DSCAML1: variants seen among roughly 807,000 people sequenced by gnomAD.
DSCAML1 encodes cell adhesion molecule DSCAML1.
In DSCAML1, 38 loss-of-function variants were observed where a neutral mutation model predicts 200.5. The observed-to-expected ratio is 0.19, with a 90% CI of 0.15 to 0.25. The LOEUF is 0.25. Ranked by LOEUF, DSCAML1 falls within the 10% of genes least tolerant of loss-of-function variation. DSCAML1 has a pLI of 1.00. For synonymous variants in DSCAML1, 1,215 were observed against 1,165.0 expected, an observed-to-expected ratio of 1.04 and a Z score of -0.87; for missense variants, 2,223 against 2,858.8, an observed-to-expected ratio of 0.78 and a Z score of 5.07.
At chr11:117,487,632 G>A (rs1386579116) in intron 11 of DSCAML1, among the ~76,000 whole-genome samples, 2 of 152,200 alleles carry the variant, frequency 1.3e-5, no homozygotes, top group Non-Finnish European at 2.9e-5. Flanking sequence ...CAGGTTATCT[G>A]TTCCTAACAT....
chr11:117,443,001 G>A (rs1460734305), intron 21 of DSCAML1, among the ~76,000 whole-genome samples: 1 of 152,206 alleles, frequency 6.6e-6, no homozygotes, highest in South Asian at 2.1e-4. Context: ...CTGAGCCCGC[G>A]GCAGGGTAGG....
At chr11:117,678,543 G>A (rs2053257892) in intron 3 of DSCAML1, among the ~76,000 whole-genome samples, 1 of 152,232 alleles carries the variant, frequency 6.6e-6, no homozygotes, top group Non-Finnish European at 1.5e-5. Flanking sequence ...GCGTTGAGCA[G>A]GGAAGGTTGG....
chr11:117,538,779 G>C (rs2050211777), intron 3 of DSCAML1, among the ~76,000 whole-genome samples: 2 of 151,524 alleles, frequency 1.3e-5, no homozygotes, highest in Non-Finnish European at 2.9e-5. Flanking sequence ...GGGGTGAGGG[G>C]GAGTGTGGTG....
At position 117,628,327 on chromosome 11, in the gene DSCAML1, G is replaced by C. The variant is rs1368335715; in HGVS notation, c.512-95805C>G. On this transcript the variant is annotated intron_variant, in intron 3 of 32. Coordinates refer to ENST00000651296, the MANE Select transcript of DSCAML1 (RefSeq NM_020693.4). ...CTGTTCAGGAAGCGCTTCCCAGGGT[G>C]GGGAGCGGCTGATCCTCATGACCTC... is the stretch of plus-strand genomic sequence containing the variant. Among the ~76,000 whole-genome samples the C allele has an allele frequency of 7.9e-5, 12 of 152,284 alleles. No homozygotes were observed. In the East Asian group the frequency reaches 1.7e-3, roughly 22 times the overall value.
chr11:117,445,865 T>A (rs1203780654), intron 20 of DSCAML1, among the ~76,000 whole-genome samples: 1 of 152,136 alleles, frequency 6.6e-6, no homozygotes. Context: ...GTGAGTCTCC[T>A]GAAATCATGT....
intron 3 of DSCAML1, among the ~76,000 whole-genome samples, chr11:117,751,667 C>T (rs2137868983): frequency 6.6e-6 from 1 of 152,248 alleles, no homozygotes; most frequent in Admixed American, 6.5e-5. Context: ...GCCAGCAACA[C>T]ATCCTGAAAA....
At chr11:117,815,415 T>C (rs1377742885) in intron 1 of DSCAML1, among the ~76,000 whole-genome samples, 1 of 152,116 alleles carries the variant, frequency 6.6e-6, no homozygotes, top group Non-Finnish European at 1.5e-5. Context: ...CCTTCCACGG[T>C]GTGGTCTGCA....
At chr11:117,808,428 A>G (rs756198985) in intron 1 of DSCAML1, among the ~76,000 whole-genome samples, 3 of 152,188 alleles carry the variant, frequency 2.0e-5, no homozygotes, top group Admixed American at 6.5e-5. Flanking sequence ...CTGGCATGCG[A>G]CATGCTATCC....
intron 3 of DSCAML1, among the ~76,000 whole-genome samples, chr11:117,687,938 A>G (rs2053433195): frequency 1.3e-5 from 2 of 152,284 alleles, no homozygotes; most frequent in Non-Finnish European, 2.9e-5. Flanking sequence ...TCCAAGTAAC[A>G]AGGATGTCTA....
At chr11:117,653,975 A>G (rs1231953995) in intron 3 of DSCAML1, among the ~76,000 whole-genome samples, 2 of 152,200 alleles carry the variant, frequency 1.3e-5, no homozygotes, top group African/African-American at 4.8e-5. Flanking sequence ...GCAGTGAGCT[A>G]CGATTATGCC....
Position 117,428,518 on chromosome 11 carries a change from G to A in DSCAML1, c.5972C>T (p.Thr1991Ile). 6.7e-7 allele frequency: 1 copy of A among 1,497,002 alleles called. No individual in the cohort carries two copies. Among genetic ancestry groups the A allele is most frequent in the Non-Finnish European group, 9.0e-7 (1 of 1,111,114 alleles). 92.7% of individuals were successfully genotyped at this position (1,497,002 alleles called of 1,614,324 possible). ...AGTAPPAPGP[T>I]PAEPPTAPSA... ...GGGGGCGGTGGGTGGCTCAGCAGGG[G>A]TGGGGCCGGGGGCTGGGGGGGCTGT... The change falls in exon 33 of 33, where the codon ACC becomes ATC. Residue 1991 changes from threonine (T) to isoleucine (I), a missense_variant. Thr to Ile is a moderately conservative substitution (Grantham distance 89). Transcript: ENST00000651296.
intron 3 of DSCAML1, among the ~76,000 whole-genome samples, chr11:117,679,914 G>A (rs935397578): frequency 2.0e-5 from 3 of 151,764 alleles, no homozygotes; most frequent in African/African-American, 7.3e-5. Context: ...TGACACAGAT[G>A]TCCAGGGAGC....
chr11:117,448,190 G>C (rs569612186), intron 20 of DSCAML1, among the ~76,000 whole-genome samples: 14 of 152,324 alleles, frequency 9.2e-5, no homozygotes, highest in Admixed American at 2.0e-4. Context: ...GAGGAGGCGT[G>C]GCTCCCGGAC....
intron 12 of DSCAML1, 100 bp downstream of exon 12, chr11:117,481,863 C>T (rs562778862): frequency 7.1e-7 from 1 of 1,409,428 alleles, no homozygotes; most frequent in African/African-American, 1.4e-5. Context: ...GGGAGGGGCT[C>T]CCAGGCTCCC....
rs546755475 is a variant in DSCAML1 at position 117,493,563 on chromosome 11, C to T, written c.2359+10282G>A. On this transcript the variant is annotated intron_variant, in intron 11 of 32. Transcript: ENST00000651296. ...TCTCCTGACCTCGTGATCTGCCCAC[C>T]TTGGCCTCCCAAAGTGCTGGGATTA... Among the ~76,000 whole-genome samples, 11 of 152,222 alleles carry T rather than the reference C, an allele frequency of 7.2e-5. No individual in the cohort carries two copies. The East Asian group carries it at 2.1e-3, about 29-fold the overall frequency.
intron 3 of DSCAML1, among the ~76,000 whole-genome samples, chr11:117,679,642 C>T (rs1441959408): frequency 6.6e-6 from 1 of 152,194 alleles, no homozygotes; most frequent in African/African-American, 2.4e-5. Context: ...CCTACCTCAC[C>T]TTCACCTTCC....
chr11:117,501,587 T>C (rs2137269479), intron 11 of DSCAML1, among the ~76,000 whole-genome samples: 1 of 151,916 alleles, frequency 6.6e-6, no homozygotes, highest in East Asian at 1.9e-4. Flanking sequence ...GGCAGGTCAC[T>C]GGGGAGAGTG....
chr11:117,521,117 C>T lies in DSCAML1; in HGVS notation c.1213+13G>A, dbSNP rs367963788. ...CCTGAACCCGCCCCCTGTGTCCTGG[C>T]GCCCCAGCTCACCCTCAAGTGCAAT... is the stretch of plus-strand genomic sequence containing the variant. On this transcript the variant is annotated intron_variant, in intron 6 of 32. Transcript: ENST00000651296. 176 of 1,607,116 alleles carry T rather than the reference C, an allele frequency of 1.1e-4. No homozygotes were observed. Among genetic ancestry groups the T allele is most frequent in the East Asian group, 3.8e-4 (17 of 44,716 alleles).
At chr11:117,552,694 C>T (rs375844211) in intron 3 of DSCAML1, among the ~76,000 whole-genome samples, 2 of 152,326 alleles carry the variant, frequency 1.3e-5, no homozygotes, top group East Asian at 1.9e-4. Flanking sequence ...TTGCTATCAT[C>T]GTTTTGAGGT....
Sources: gnomAD v4.1 joint callset for allele counts (sites outside exome capture counted in the v4.1 genomes callset) on GRCh38, gnomAD v4.1.1 for gene constraint, MANE v1.5 for transcripts, NCBI Gene and HGNC (gene_info 2026-07-23, HGNC 2026-07-21) for gene names.